Variants in WDR62 observed in about 807,000 individuals in gnomAD.
WDR62 encodes WD repeat domain 62.
WDR62 carries 112 observed loss-of-function variants against 160.6 expected under a neutral mutation model. That is an observed-to-expected ratio of 0.70 (90% CI 0.60 to 0.82). The LOEUF is 0.82. Ranked by LOEUF, WDR62 falls within the 40% of genes least tolerant of loss-of-function variation. The pLI is 0.00. For missense variants in WDR62, 1,819 were observed against 1,983.8 expected (o/e 0.92, Z 1.58); for synonymous variants, 792 against 815.1 (o/e 0.97, Z 0.48).
Position 36,104,750 on chromosome 19 carries a change from G to A in WDR62, c.4312-18G>A. ...GCCCGGCCTTGGTGGCCCCTGACAA[G>A]GCTGGCATCCCTTGCAGTTGGTCTC... is the stretch of plus-strand genomic sequence containing the variant. On this transcript the variant is annotated intron_variant, in intron 31 of 31. Coordinates refer to ENST00000401500, the MANE Select transcript of WDR62 (RefSeq NM_001083961.2). 6.2e-7 allele frequency: 1 copy of A among 1,613,808 alleles called. No homozygotes were observed. Among genetic ancestry groups the A allele is most frequent in the Non-Finnish European group, 8.5e-7 (1 of 1,180,014 alleles).
chr19:36,063,444 G>A (rs1282524530), intron 3 of WDR62, among the ~76,000 whole-genome samples: 1 of 150,764 alleles, frequency 6.6e-6, no homozygotes, highest in East Asian at 1.9e-4. Flanking sequence ...GTAGAGACGG[G>A]GTTTCACTAT....
At chr19:36,063,936 G>A (rs1286040990) in intron 3 of WDR62, among the ~76,000 whole-genome samples, 3 of 152,244 alleles carry the variant, frequency 2.0e-5, no homozygotes, top group Admixed American at 1.3e-4. Flanking sequence ...TGTACAGCCA[G>A]GACTGAGAAC....
At chr19:36,102,614 G>A in intron 26 of WDR62, 123 bp from the exon 27 acceptor site, 1 of 794,662 alleles carries the variant, frequency 1.3e-6, no homozygotes, top group Non-Finnish European at 2.1e-6. Flanking sequence ...CACTGCCCCT[G>A]CTCGTACCCT....
chr19:36,100,643 C>T (rs1973270132), intron 22 of WDR62, 105 bp from the exon 23 acceptor site: 2 of 1,558,894 alleles, frequency 1.3e-6, no homozygotes, highest in African/African-American at 2.7e-5. Flanking sequence ...GGCACAGGCC[C>T]TGGTTCACAG....
rs2145886798 is a variant in WDR62, at chr19:36,104,586, C to T, written c.4222C>T (p.Pro1408Ser). 2 of 1,613,892 alleles carry T rather than the reference C, an allele frequency of 1.2e-6. No individual in the cohort carries two copies. The highest frequency in any genetic ancestry group is 1.7e-6 in the Non-Finnish European group (2 of 1,179,992). ...GCCCTGGGTGCCGGTTGAAGCCCTG[C>T]CCCCATCTCCCCTTGAGCTGAGCAG... ...SEPWVPVEAL[P>S]PSPLELSRVG... The change falls in exon 31 of 32, where the codon CCC becomes TCC. Residue 1408 changes from proline to serine, a missense_variant. By Grantham distance (74) the Pro-to-Ser change is moderately conservative. This residue lies in a region of WDR62 where 770 missense variants were observed against 734.2 expected (regional missense o/e 1.05). Transcript: ENST00000401500.
At chr19:36,078,868 T>G (rs2145685819) in intron 9 of WDR62, among the ~76,000 whole-genome samples, 2 of 151,102 alleles carry the variant, frequency 1.3e-5, no homozygotes, top group East Asian at 3.9e-4. Flanking sequence ...AGTTATAGTT[T>G]TTATCTTTTT....
intron 26 of WDR62, 32 bp downstream of exon 26, chr19:36,102,183 G>A (rs1163486993): frequency 6.2e-7 from 1 of 1,613,656 alleles, no homozygotes; most frequent in East Asian, 2.2e-5. Context: ...ACCTGCCGAG[G>A]CCGTCTGTGC....
At chr19:36,090,229 A>G (rs1414992217) in intron 15 of WDR62, among the ~76,000 whole-genome samples, 5 of 152,222 alleles carry the variant, frequency 3.3e-5, no homozygotes, top group Non-Finnish European at 5.9e-5. Flanking sequence ...GGTGCCAAGC[A>G]CTGAGCTTGC....
chr19:36,060,182 CGT>C (rs1599746057), intron 3 of WDR62, 152 bp downstream of exon 3: 2 of 793,390 alleles, frequency 2.5e-6, no homozygotes, highest in East Asian at 5.0e-5. Flanking sequence ...GGTGCTGTTC[CGT>C]GTGCTGGGGA....
At chr19:36,101,832 C>T in intron 25 of WDR62, 58 bp downstream of exon 25, 1 of 1,507,556 alleles carries the variant, frequency 6.6e-7, no homozygotes, top group Non-Finnish European at 9.0e-7. Flanking sequence ...TAGGGCCAGT[C>T]ACAATGTCTA....
intron 20 of WDR62, among the ~76,000 whole-genome samples, chr19:36,094,760 A>C (rs1447434443): frequency 1.3e-5 from 2 of 151,706 alleles, no homozygotes; most frequent in Non-Finnish European, 2.9e-5. Context: ...TTAGCCAGGC[A>C]TAGTGGCACA....
intron 15 of WDR62, 49 bp from the exon 16 acceptor site, chr19:36,090,396 G>T (rs539537395): frequency 6.3e-7 from 1 of 1,576,612 alleles, no homozygotes; most frequent in Non-Finnish European, 8.7e-7. Flanking sequence ...GAATGAGGTG[G>T]TGGGGTAGGC....
chr19:36,080,786 G>A (rs527522987), intron 9 of WDR62, among the ~76,000 whole-genome samples: 5 of 152,240 alleles, frequency 3.3e-5, no homozygotes, highest in Admixed American at 3.3e-4. Flanking sequence ...TCTAGAAGCT[G>A]TTCTGTTTTG....
Position 36,065,961 on chromosome 19 carries a change from GTC to G in WDR62, c.341_342del (p.Leu114GlnfsTer8). 1 of 1,614,202 alleles carries G rather than the reference GTC, an allele frequency of 6.2e-7. No homozygotes were observed. Among genetic ancestry groups the G allele is most frequent in the Non-Finnish European group, 8.5e-7 (1 of 1,180,026 alleles). On this transcript the variant is annotated frameshift_variant, in exon 4 of 32. Transcript: ENST00000401500. LOFTEE classifies it high-confidence loss of function. ...CAGCTCTTTTCTTTATCCCCAGGAAGTCTCTCAGTGCTCTGGCCTTCTCCCCT... is the reference window on the plus strand; with the variant it reads ...CAGCTCTTTTCTTTATCCCCAGGAAGTCTCAGTGCTCTGGCCTTCTCCCCT... ...QQHIFNTARK[S>X]LSALAFSPDG... is the part of the protein sequence containing the mutation.
At chr19:36,088,827 C>G (rs1260922729) in intron 13 of WDR62, among the ~76,000 whole-genome samples, 1 of 152,224 alleles carries the variant, frequency 6.6e-6, no homozygotes, top group Non-Finnish European at 1.5e-5. Flanking sequence ...CTCTGCAGAG[C>G]CTGCCTTGGC....
rs1443419956 is a variant in WDR62 at position 36,102,578 on chromosome 19, C to T, written c.3221-159C>T. ...GCCCGGCCCACTGCTTCACTCTTGA[C>T]CTGAGCCTCACGATGCCTCCTCACC... On this transcript the variant is annotated intron_variant, in intron 26 of 31. Coordinates refer to ENST00000401500, the MANE Select transcript of WDR62 (RefSeq NM_001083961.2). The T allele has an allele frequency of 7.5e-6, 5 of 666,366 alleles. No individual in the cohort carries two copies. In the African/African-American group the frequency reaches 9.0e-5, roughly 12 times the overall value. 41.3% of individuals were successfully genotyped at this position (666,366 alleles called of 1,614,324 possible).
intron 1 of WDR62, among the ~76,000 whole-genome samples, chr19:36,058,424 C>T (rs1377717411): frequency 6.6e-6 from 1 of 152,338 alleles, no homozygotes; most frequent in African/African-American, 2.4e-5. Context: ...GCCCCCTTCC[C>T]CTGTGCTCCT....
At chr19:36,083,397 TA>T (rs1972019122) in intron 11 of WDR62, among the ~76,000 whole-genome samples, 156 bp downstream of exon 11, 1 of 152,198 alleles carries the variant, frequency 6.6e-6, no homozygotes. Context: ...ATTGGGAACT[TA>T]AGCTCGTAAG....
At chr19:36,059,470 G>A (rs1970533228) in intron 2 of WDR62, among the ~76,000 whole-genome samples, 1 of 152,066 alleles carries the variant, frequency 6.6e-6, no homozygotes, top group Non-Finnish European at 1.5e-5. Context: ...ACAGAGTCTG[G>A]CTGTGTTGCC....
Sources: gnomAD v4.1 joint callset for allele counts (sites outside exome capture counted in the v4.1 genomes callset) on GRCh38, gnomAD v4.1.1 for gene constraint, gnomAD v4.1.1 regional missense constraint, MANE v1.5 for transcripts, NCBI Gene and HGNC (gene_info 2026-07-23, HGNC 2026-07-21) for gene names.